Variants in TYW1B observed in about 807,000 individuals in gnomAD.
TYW1B encodes the protein S-adenosyl-L-methionine-dependent tRNA 4-demethylwyosine synthase TYW1B.
TYW1B carries 73 observed loss-of-function variants against 86.9 expected under a neutral mutation model. The ratio of observed to expected loss-of-function variants is 0.84; its 90% CI spans 0.70 to 1.02. The LOEUF (loss-of-function observed/expected upper bound fraction) is 1.02, where lower values mean the gene tolerates loss of function less well. TYW1B is among the 50% of genes least tolerant of loss of function. The pLI, the probability that TYW1B is intolerant of heterozygous loss-of-function variation, is 0.00. For missense variants in TYW1B, 637 were observed against 827.4 expected (o/e 0.77, Z 2.82); for synonymous variants, 248 against 292.8 (o/e 0.85, Z 1.56).
chr7:72,697,031 TAAAAAAAAAAAAAAAAAAAAA>T (rs781801843), intron 10 of TYW1B, among the ~76,000 whole-genome samples: 1 of 137,920 alleles, frequency 7.3e-6, no homozygotes, highest in Non-Finnish European at 1.5e-5. Flanking sequence ...GATTTCTACT[TAAAAAAAAAAAAAAAAAAAAA>T]AAAAAAAAAG....
At chr7:72,725,844 GAATCTC>G (rs1786988623) in intron 9 of TYW1B, among the ~76,000 whole-genome samples, 2 of 152,036 alleles carry the variant, frequency 1.3e-5, no homozygotes, top group East Asian at 3.9e-4. Flanking sequence ...ATGAACAAAT[GAATCTC>G]AATCTCAGTC....
At chr7:72,618,978 G>T (rs1297332996) in intron 12 of TYW1B, among the ~76,000 whole-genome samples, 2 of 152,110 alleles carry the variant, frequency 1.3e-5, no homozygotes, top group East Asian at 3.9e-4. Context: ...GTCACAGCCC[G>T]AATTTCCACC....
At chr7:72,813,255 GA>G (rs1788658608) in intron 3 of TYW1B, among the ~76,000 whole-genome samples, 1 of 145,716 alleles carries the variant, frequency 6.9e-6, no homozygotes, top group Non-Finnish European at 1.5e-5. Context: ...GGCTCACTGC[GA>G]CCTCCACCTC....
chr7:72,634,879 G>A (rs575249290), intron 11 of TYW1B, among the ~76,000 whole-genome samples: 1 of 152,208 alleles, frequency 6.6e-6, no homozygotes, highest in South Asian at 2.1e-4. Context: ...GCATTTGCTG[G>A]AAAGAAAAGC....
intron 7 of TYW1B, among the ~76,000 whole-genome samples, chr7:72,748,185 CG>C (rs781985364): frequency 4.6e-5 from 7 of 151,968 alleles, no homozygotes; most frequent in Non-Finnish European, 1.0e-4. Context: ...AGGAGAATGG[CG>C]GGAACCTGGA....
intron 11 of TYW1B, among the ~76,000 whole-genome samples, chr7:72,671,049 GTTC>G (rs1254013610): frequency 6.6e-6 from 1 of 152,088 alleles, no homozygotes; most frequent in African/African-American, 2.4e-5. Context: ...TCTGGTAAAA[GTTC>G]TTCTAGTTTC....
At chr7:72,662,012 A>C (rs1161495352) in intron 11 of TYW1B, among the ~76,000 whole-genome samples, 1 of 152,184 alleles carries the variant, frequency 6.6e-6, no homozygotes, top group Non-Finnish European at 1.5e-5. Context: ...CAAACCCAAA[A>C]AATGGCAACC....
At chr7:72,800,776 C>G (rs1258495527) in intron 6 of TYW1B, among the ~76,000 whole-genome samples, 1 of 150,196 alleles carries the variant, frequency 6.7e-6, no homozygotes, top group African/African-American at 2.5e-5. Context: ...ACTACTTTCA[C>G]CAGGGTTTTC....
intron 13 of TYW1B, among the ~76,000 whole-genome samples, chr7:72,584,933 G>A (rs1222884314): frequency 1.3e-5 from 2 of 152,124 alleles, no homozygotes; most frequent in Non-Finnish European, 2.9e-5. Flanking sequence ...AGTGTGCTCT[G>A]CCTTTGATTT....
chr7:72,826,349 C>T lies in TYW1B; in HGVS notation c.135+506G>A, dbSNP rs60593588. Among the ~76,000 whole-genome samples the T allele has an allele frequency of 4.4e-3, 663 of 152,306 alleles. 3 individuals are homozygous for T. The highest frequency in any genetic ancestry group is 0.015 in the African/African-American group (628 of 41,564). On this transcript the variant is annotated intron_variant, in intron 2 of 13. Transcript: ENST00000620995. The stretch of plus-strand genomic sequence containing the variant: ...TTTATTTTTCTCTTAATCTGACACA[C>T]CTGTATTTTTCTCTTAAATCTTTCT...
At chr7:72,823,357 C>T (rs1484393697) in intron 2 of TYW1B, among the ~76,000 whole-genome samples, 1 of 151,802 alleles carries the variant, frequency 6.6e-6, no homozygotes, top group African/African-American at 2.4e-5. Context: ...CACGGTGGCT[C>T]ACGCCTGTAA....
chr7:72,598,212 G>A (rs1194464808), intron 13 of TYW1B, among the ~76,000 whole-genome samples: 2 of 152,092 alleles, frequency 1.3e-5, no homozygotes, highest in African/African-American at 2.4e-5. Flanking sequence ...AAGGTGAGAC[G>A]GGCCTAGCCT....
At chr7:72,613,689 G>A (rs1554436373) in intron 13 of TYW1B, among the ~76,000 whole-genome samples, 1 of 152,008 alleles carries the variant, frequency 6.6e-6, no homozygotes, top group Non-Finnish European at 1.5e-5. Context: ...TGGGATTACA[G>A]GCATGAGCCA....
intron 10 of TYW1B, among the ~76,000 whole-genome samples, chr7:72,706,822 T>C (rs1394372508): frequency 6.6e-6 from 1 of 152,180 alleles, no homozygotes; most frequent in Non-Finnish European, 1.5e-5. Flanking sequence ...AGTCCAGATT[T>C]TATGTAAAAC....
rs1788980133 is a variant in TYW1B at position 72,828,184 on chromosome 7, A to C, written c.-109T>G. 1 of 1,567,740 alleles carries C rather than the reference A, an allele frequency of 6.4e-7. No homozygotes were observed. Among genetic ancestry groups the C allele is most frequent in the South Asian group, 1.2e-5 (1 of 86,168 alleles). ...ACCTCGCGGCGTTAGCGCCGTACCG[A>C]GTGGCTGCAGAACTGTGGGCAGCTA... On this transcript the variant is annotated 5_prime_UTR_variant, in exon 1 of 14. Coordinates refer to ENST00000620995, the MANE Select transcript of TYW1B (RefSeq NM_001145440.3).
intron 11 of TYW1B, among the ~76,000 whole-genome samples, chr7:72,636,977 G>C (rs1312892195): frequency 2.6e-5 from 4 of 152,128 alleles, no homozygotes; most frequent in African/African-American, 9.7e-5. Context: ...GGGAGTTTGA[G>C]ACCAGCCTCA....
chr7:72,715,138 G>T (rs1786753743), intron 9 of TYW1B, among the ~76,000 whole-genome samples: 2 of 152,150 alleles, frequency 1.3e-5, no homozygotes, highest in South Asian at 2.1e-4. Context: ...CCACAGCTCA[G>T]ATCAACTAAA....
chr7:72,694,032 C>T (rs186370927), intron 11 of TYW1B, among the ~76,000 whole-genome samples: 276 of 152,236 alleles, frequency 1.8e-3, no homozygotes, highest in Middle Eastern at 6.8e-3. Flanking sequence ...ATGATCTTGG[C>T]TCACTGCGGC....
chr7:72,631,862 T>C (rs1554439827), intron 11 of TYW1B, among the ~76,000 whole-genome samples: 1 of 152,176 alleles, frequency 6.6e-6, no homozygotes, highest in Non-Finnish European at 1.5e-5. Context: ...TCTTAGTTTC[T>C]ACCTGAATGT....
Sources: allele counts gnomAD v4.1 joint callset (sites outside exome capture counted in the v4.1 genomes callset), GRCh38; gene constraint gnomAD v4.1.1; transcripts MANE v1.5; gene names NCBI Gene and HGNC (gene_info 2026-07-23, HGNC 2026-07-21).